IFT22: variants seen among roughly 807,000 people sequenced by gnomAD.
The protein encoded by IFT22 is intraflagellar transport protein 22 homolog.
Under a neutral mutation model 21.0 loss-of-function variants are expected in IFT22, and 13 were observed. The ratio of observed to expected loss-of-function variants is 0.62; its 90% CI spans 0.40 to 0.98. The LOEUF is 0.98. Among genes scored for constraint, IFT22 ranks in the 50% least tolerant of loss-of-function variants. The pLI, the probability that IFT22 is intolerant of heterozygous loss-of-function variation, is 0.00. For synonymous variants in IFT22, 67 were observed against 82.4 expected (o/e 0.81, Z 1.01); for missense variants, 227 against 228.9 (o/e 0.99, Z 0.06).
rs1356494075 is a variant in IFT22 at position 101,313,748 on chromosome 7, TATGA to T, written c.*1382_*1385del. The T allele has an allele frequency of 6.6e-6, 1 of 152,244 alleles. No individual in the cohort carries two copies. The highest frequency in any genetic ancestry group is 2.4e-5 in the African/African-American group (1 of 41,468). 9.4% of individuals were successfully genotyped at this position (152,244 alleles called of 1,614,324 possible). A position where few individuals can be genotyped will look rare whatever the true frequency, so the allele number is the denominator to read the frequency against. Reference sequence around the variant, plus strand: ...TAGGCAAATTCTCAAATACAAAATCTATGAATAAGGATCAAGTATACGTTCATTT... The same window carrying T: ...TAGGCAAATTCTCAAATACAAAATCTATAAGGATCAAGTATACGTTCATTT... On this transcript the variant is annotated 3_prime_UTR_variant, in exon 5 of 5. Coordinates refer to ENST00000315322, the MANE Select transcript of IFT22 (RefSeq NM_022777.4).
At chr7:101,315,396 GTCT>G in intron 4 of IFT22, 114 bp from the exon 5 acceptor site, 1 of 1,163,796 alleles carries the variant, frequency 8.6e-7, no homozygotes, top group Non-Finnish European at 1.2e-6. Flanking sequence ...AGATCAAGTT[GTCT>G]TCTTGACACC....
At chr7:101,320,564 T>C (rs1790310751) in intron 1 of IFT22, among the ~76,000 whole-genome samples, 1 of 150,466 alleles carries the variant, frequency 6.6e-6, no homozygotes, top group Admixed American at 6.6e-5. Context: ...CGGCCTTTTT[T>C]TTTTTTTTTT....
chr7:101,320,226 G>C (rs1790293736), intron 1 of IFT22, among the ~76,000 whole-genome samples: 1 of 151,392 alleles, frequency 6.6e-6, no homozygotes, highest in Non-Finnish European at 1.5e-5. Flanking sequence ...CAAAGTGCTG[G>C]GATTAGAAGC....
chr7:101,316,499 C>T lies in IFT22; in HGVS notation c.250G>A (p.Val84Met), dbSNP rs1188429563. The T allele has an allele frequency of 1.9e-6, 3 of 1,614,166 alleles. No individual in the cohort carries two copies. The highest frequency in any genetic ancestry group is 2.5e-6 in the Non-Finnish European group (3 of 1,180,032). ...ATGTCAGCATTGAAGACGATCACCA[C>T]TCCATGAGCATCCTTCATCAGGGCC... Reference protein sequence around the residue: ...WPALMKDAHGVVIVFNADIPS... With the variant: ...WPALMKDAHGMVIVFNADIPS... Residue 84 changes from valine to methionine, a missense_variant, in exon 4 of 5, where the codon GTG becomes ATG. Coordinates refer to ENST00000315322, the MANE Select transcript of IFT22 (RefSeq NM_022777.4).
Position 101,311,934 on chromosome 7 carries a change from G to C in IFT22, c.*3200C>G, listed in dbSNP as rs1036932866. 3.9e-5 allele frequency among the ~76,000 whole-genome samples: 6 copies of C among 152,152 alleles called. No individual in the cohort carries two copies. The highest frequency in any genetic ancestry group is 1.4e-4 in the African/African-American group (6 of 41,444). On this transcript the variant is annotated 3_prime_UTR_variant, in exon 5 of 5. Coordinates refer to ENST00000315322, the MANE Select transcript of IFT22 (RefSeq NM_022777.4). ...GAGGGAGGAGAATCAGTTGAACCCG[G>C]AGGGTGGAGATTGCAGTGAGACTCT...
rs1790156943 is a variant in IFT22 at position 101,316,503 on chromosome 7, A to G, written c.246T>C (p.His82=). ...CAGCATTGAAGACGATCACCACTCC[A>G]TGAGCATCCTTCATCAGGGCCGGCC... ...SCWPALMKDA[H]GVVIVFNADI... Residue 82 remains histidine, a synonymous_variant, in exon 4 of 5, where the codon CAT becomes CAC. Transcript: ENST00000315322. The G allele has an allele frequency of 6.2e-7, 1 of 1,614,042 alleles. No individual in the cohort carries two copies. Among genetic ancestry groups the G allele is most frequent in the African/African-American group, 1.3e-5 (1 of 74,920 alleles).
intron 1 of IFT22, among the ~76,000 whole-genome samples, chr7:101,319,556 G>A (rs1407229423): frequency 6.6e-6 from 1 of 151,494 alleles, no homozygotes; most frequent in African/African-American, 2.4e-5. Flanking sequence ...GAGGATCAAA[G>A]TCAGCCTGGG....
intron 3 of IFT22, among the ~76,000 whole-genome samples, chr7:101,316,896 C>T (rs541079134): frequency 2.0e-5 from 3 of 151,678 alleles, no homozygotes; most frequent in East Asian, 1.9e-4. Context: ...TGCACTCCAG[C>T]GTGGGTGACA....
rs755762506 is a variant in IFT22, at chr7:101,316,375, G to A, written c.374C>T (p.Pro125Leu). ...TQCMLIAHHK[P>L]GSGDDKGSLS... is the part of the protein sequence containing the mutation. ...GCTTCCTTTATCATCTCCAGAGCCT[G>A]GTTTGTGGTGTGCAATTAGCATACA... The change falls in exon 4 of 5, where the codon CCA becomes CTA. Residue 125 changes from proline (P) to leucine (L), a missense_variant. Pro to Leu is a moderately conservative substitution (Grantham distance 98). Coordinates refer to ENST00000315322, the MANE Select transcript of IFT22 (RefSeq NM_022777.4). The A allele has an allele frequency of 1.9e-6, 3 of 1,614,164 alleles. No individual in the cohort carries two copies. Among genetic ancestry groups the A allele is most frequent in the South Asian group, 2.2e-5 (2 of 91,088 alleles).
Position 101,314,586 on chromosome 7 carries a change from A to T in IFT22, c.*548T>A, listed in dbSNP as rs957836669. 1 of 152,250 alleles carries T rather than the reference A, an allele frequency of 6.6e-6. No homozygotes were observed. Among genetic ancestry groups the T allele is most frequent in the Admixed American group, 6.5e-5 (1 of 15,282 alleles). The allele number at this position is 152,250 out of a possible 1,614,324, so 9.4% of individuals were successfully genotyped here. On this transcript the variant is annotated 3_prime_UTR_variant, in exon 5 of 5. Transcript: ENST00000315322. ...ATAGTGGCTTTTGCCATTAAAAATTAAAAATGGCAAAAACCACGATTAGTT... is the reference window on the plus strand; with the variant it reads ...ATAGTGGCTTTTGCCATTAAAAATTTAAAATGGCAAAAACCACGATTAGTT...
chr7:101,320,702 C>T (rs1274086268), intron 1 of IFT22, among the ~76,000 whole-genome samples: 1 of 151,952 alleles, frequency 6.6e-6, no homozygotes, highest in African/African-American at 2.4e-5. Flanking sequence ...GGTTCCAGGA[C>T]CATATAGTAA....
chr7:101,318,936 ACAGATTTGT>A lies in IFT22; in HGVS notation c.116+11_116+19del, dbSNP rs1368942355. 1 of 1,592,498 alleles carries A rather than the reference ACAGATTTGT, an allele frequency of 6.3e-7. No homozygotes were observed. Among genetic ancestry groups the A allele is most frequent in the South Asian group, 1.1e-5 (1 of 90,672 alleles). On this transcript the variant is annotated intron_variant, in intron 2 of 4. Transcript: ENST00000315322. ...CCGAGCCAGTTGGACACTCTGGGAC[ACAGATTTGT>A]CAGGGCTCACCTCACTCCTTGGGTT... is the stretch of plus-strand genomic sequence containing the variant.
In IFT22 at chr7:101,314,400, C is replaced by G. The variant is rs1790076128; in HGVS notation, c.*734G>C. The G allele has an allele frequency of 6.6e-6, 1 of 152,040 alleles. No homozygotes were observed. The highest frequency in any genetic ancestry group is 1.5e-5 in the Non-Finnish European group (1 of 68,034). 9.4% of individuals were successfully genotyped at this position (152,040 alleles called of 1,614,324 possible). ...TCGATCTCCTGACCTCATGATCCGC[C>G]CACCTTGGCCTCCCAAAGTGCTGGG... On this transcript the variant is annotated 3_prime_UTR_variant, in exon 5 of 5. Coordinates refer to ENST00000315322, the MANE Select transcript of IFT22 (RefSeq NM_022777.4).
chr7:101,320,449 C>T (rs1161289570), intron 1 of IFT22, among the ~76,000 whole-genome samples: 1 of 148,298 alleles, frequency 6.7e-6, no homozygotes, highest in Non-Finnish European at 1.5e-5. Context: ...TTAGTAGAGA[C>T]GGGGTTTCAC....
At chr7:101,320,558 C>CTTTTTT (rs397889268) in intron 1 of IFT22, among the ~76,000 whole-genome samples, 88 of 101,618 alleles carry the variant, frequency 8.7e-4, no homozygotes, top group African/African-American at 3.2e-3. Flanking sequence ...CGCGCCCGGC[C>CTTTTTT]TTTTTTTTTT....
chr7:101,312,814 T>G lies in IFT22; in HGVS notation c.*2320A>C, dbSNP rs1438302181. Among the ~76,000 whole-genome samples the G allele has an allele frequency of 6.6e-6, 1 of 150,698 alleles. No homozygotes were observed. The highest frequency in any genetic ancestry group is 2.0e-4 in the East Asian group (1 of 5,086). The stretch of plus-strand genomic sequence containing the variant: ...CCTCCCAAAGTGCTGGGATTACAGG[T>G]GTGAGCCACTCCACTCGGCACTTTT... On this transcript the variant is annotated 3_prime_UTR_variant, in exon 5 of 5. Transcript: ENST00000315322.
chr7:101,319,085 C>T (rs1562934215), intron 1 of IFT22, 53 bp from the exon 2 acceptor site: 1 of 1,585,174 alleles, frequency 6.3e-7, no homozygotes. Context: ...AAAAGGAAAC[C>T]AAAAAAATGA....
At chr7:101,317,873 C>G (rs1177266403) in intron 3 of IFT22, among the ~76,000 whole-genome samples, 2 of 152,096 alleles carry the variant, frequency 1.3e-5, no homozygotes, top group African/African-American at 4.8e-5. Flanking sequence ...CAGGTTCAAG[C>G]AGTTCTCCTG....
In IFT22 at chr7:101,318,953, C is replaced by T. The variant is rs200442669; in HGVS notation, c.116+3G>A. On this transcript the variant is annotated splice_donor_region_variant and intron_variant, in intron 2 of 4. Transcript: ENST00000315322. Reference sequence around the variant, plus strand: ...TCTGGGACACAGATTTGTCAGGGCTCACCTCACTCCTTGGGTTGGGCTGTA... The same window carrying T: ...TCTGGGACACAGATTTGTCAGGGCTTACCTCACTCCTTGGGTTGGGCTGTA... The T allele has an allele frequency of 8.1e-4, 1,310 of 1,611,246 alleles. 1 individual carries two copies. Among genetic ancestry groups the T allele is most frequent in the Non-Finnish European group, 1.1e-3 (1,253 of 1,177,422 alleles).
Sources: allele counts gnomAD v4.1 joint callset (sites outside exome capture counted in the v4.1 genomes callset), GRCh38; gene constraint gnomAD v4.1.1; transcripts MANE v1.5; gene names NCBI Gene and HGNC (gene_info 2026-07-23, HGNC 2026-07-21).